CSMD3: variants seen among roughly 807,000 people sequenced by gnomAD.
The protein encoded by CSMD3 is CUB and Sushi multiple domains 3.
CSMD3 carries 177 observed loss-of-function variants against 435.2 expected under a neutral mutation model. The observed-to-expected ratio is 0.41, with a 90% CI of 0.36 to 0.46. The LOEUF is 0.46. Among genes scored for constraint, CSMD3 ranks in the 20% least tolerant of loss-of-function variants. The pLI is 0.34. For missense variants in CSMD3, 4,265 were observed against 4,504.6 expected (o/e 0.95, Z 1.52); for synonymous variants, 1,656 against 1,520.5 (o/e 1.09, Z -2.07).
At chr8:113,345,689 T>C (rs2094146767) in intron 1 of CSMD3, among the ~76,000 whole-genome samples, 1 of 152,102 alleles carries the variant, frequency 6.6e-6, no homozygotes, top group Admixed American at 6.6e-5. Context: ...TTTACTTCTG[T>C]TTTTTTAAAA....
intron 3 of CSMD3, among the ~76,000 whole-genome samples, chr8:113,201,107 C>G (rs1284825948): frequency 6.6e-6 from 1 of 151,930 alleles, no homozygotes; most frequent in Non-Finnish European, 1.5e-5. Context: ...AACTAGATCT[C>G]ATTGCATAGG....
chr8:113,062,638 AG>A (rs2088665071), intron 5 of CSMD3, among the ~76,000 whole-genome samples: 1 of 151,814 alleles, frequency 6.6e-6, no homozygotes, highest in Admixed American at 6.6e-5. Flanking sequence ...GAAAATGAAA[AG>A]GCTGGTCAAA....
rs189503830 is a variant in CSMD3, at chr8:113,027,429, C to T, written c.918-8250G>A. 9.1e-4 allele frequency among the ~76,000 whole-genome samples: 138 copies of T among 152,190 alleles called. 1 individual carries two copies. The highest frequency in any genetic ancestry group is 4.4e-4 in the Non-Finnish European group (30 of 67,998). ...CTAAATTAATTCACTTATGGAATGACGTTAAATGCATTAATTTTCCACACT... is the reference window on the plus strand; with the variant it reads ...CTAAATTAATTCACTTATGGAATGATGTTAAATGCATTAATTTTCCACACT... On this transcript the variant is annotated intron_variant, in intron 5 of 70. Coordinates refer to ENST00000297405, the MANE Select transcript of CSMD3 (RefSeq NM_198123.2).
At chr8:113,161,776 T>C (rs954022571) in intron 4 of CSMD3, among the ~76,000 whole-genome samples, 8 of 152,202 alleles carry the variant, frequency 5.3e-5, no homozygotes, top group Admixed American at 1.3e-4. Flanking sequence ...TTGTTCAAAA[T>C]ATCTTTGAAA....
chr8:112,451,560 C>CA (rs1816276489), intron 32 of CSMD3, among the ~76,000 whole-genome samples: 1 of 149,226 alleles, frequency 6.7e-6, no homozygotes, highest in Non-Finnish European at 1.5e-5. Flanking sequence ...TTTTTTGAGA[C>CA]AGAGTTTTGC....
chr8:112,885,753 G>A (rs2081571852), intron 10 of CSMD3, among the ~76,000 whole-genome samples: 1 of 151,670 alleles, frequency 6.6e-6, no homozygotes, highest in Non-Finnish European at 1.5e-5. Context: ...ATTATGTCAA[G>A]AAAGAGATTG....
intron 4 of CSMD3, among the ~76,000 whole-genome samples, chr8:113,146,185 C>T: frequency 6.6e-6 from 1 of 151,294 alleles, no homozygotes; most frequent in Admixed American, 6.6e-5. Context: ...AAAAGCAAAA[C>T]AGTGAATGCT....
At chr8:112,970,731 T>C (rs2084621038) in intron 7 of CSMD3, among the ~76,000 whole-genome samples, 1 of 151,510 alleles carries the variant, frequency 6.6e-6, no homozygotes, top group African/African-American at 2.4e-5. Flanking sequence ...TTTTCTTTTT[T>C]TTTTTTTTTA....
chr8:113,368,356 A>G (rs1263060613), intron 1 of CSMD3, among the ~76,000 whole-genome samples: 2 of 152,080 alleles, frequency 1.3e-5, no homozygotes, highest in African/African-American at 2.4e-5. Flanking sequence ...CTTGTCATGG[A>G]TAAGTTTGAA....
intron 1 of CSMD3, among the ~76,000 whole-genome samples, chr8:113,412,541 T>A (rs2094564111): frequency 6.6e-6 from 1 of 152,112 alleles, no homozygotes; most frequent in Non-Finnish European, 1.5e-5. Context: ...AGCTCAAGGG[T>A]AAGCCAATGA....
chr8:112,868,487 CA>C (rs1219581536), intron 10 of CSMD3, among the ~76,000 whole-genome samples: 1 of 151,994 alleles, frequency 6.6e-6, no homozygotes, highest in East Asian at 1.9e-4. Flanking sequence ...CCAGTATCAC[CA>C]AAAACACATG....
chr8:113,301,491 C>T (rs1189462500), intron 2 of CSMD3, among the ~76,000 whole-genome samples: 1 of 151,278 alleles, frequency 6.6e-6, no homozygotes, highest in East Asian at 1.9e-4. Flanking sequence ...AAAACATAAC[C>T]TTAAAATGAA....
intron 7 of CSMD3, among the ~76,000 whole-genome samples, chr8:112,957,672 A>C (rs1167388202): frequency 6.6e-6 from 1 of 152,038 alleles, no homozygotes; most frequent in Non-Finnish European, 1.5e-5. Context: ...GCTGGTCTCA[A>C]ACTCCTGTCA....
chr8:113,424,204 T>C (rs1513530), intron 1 of CSMD3, among the ~76,000 whole-genome samples: 150,187 of 151,806 alleles, frequency 0.99, 74,303 homozygotes, highest in East Asian at 1. Flanking sequence ...TTTGATGACT[T>C]TCCAAACTTT....
chr8:113,349,519 T>C (rs2094175231), intron 1 of CSMD3, among the ~76,000 whole-genome samples: 1 of 152,062 alleles, frequency 6.6e-6, no homozygotes, highest in African/African-American at 2.4e-5. Context: ...CAGTGGCTCA[T>C]ACCTGTAAAC....
intron 5 of CSMD3, among the ~76,000 whole-genome samples, chr8:113,028,229 T>C (rs889590074): frequency 1.3e-5 from 2 of 151,964 alleles, no homozygotes; most frequent in Non-Finnish European, 2.9e-5. Context: ...TTCTAATTGC[T>C]TTTGGGTGTC....
chr8:112,244,278 G>A (rs1586512680), intron 65 of CSMD3, 116 bp downstream of exon 65: 1 of 834,610 alleles, frequency 1.2e-6, no homozygotes, highest in East Asian at 2.6e-5. Flanking sequence ...TAGACTTGGA[G>A]TTAGCCAACA....
Position 112,295,885 on chromosome 8 carries a change from C to A in CSMD3, c.8562G>T (p.Val2854=), listed in dbSNP as rs2130714594. ...AATTGTGATCCTGTTGACATATCCT[C>A]ACTGAAGAACCAATCAATCGAAAAC... ...NPGFRLIGSS[V]RICQQDHNWS... Residue 2854 remains valine (V), a synonymous_variant, in exon 54 of 71, where the codon GTG becomes GTT. Transcript: ENST00000297405. The A allele has an allele frequency of 6.2e-7, 1 of 1,614,000 alleles. No individual in the cohort carries two copies.
At chr8:113,202,313 A>G (rs2092723422) in intron 3 of CSMD3, among the ~76,000 whole-genome samples, 1 of 152,132 alleles carries the variant, frequency 6.6e-6, no homozygotes, top group Admixed American at 6.6e-5. Context: ...GAAAGCAACA[A>G]TGAATTTTAA....
Sources: gnomAD v4.1 joint callset for allele counts (sites outside exome capture counted in the v4.1 genomes callset) on GRCh38, gnomAD v4.1.1 for gene constraint, MANE v1.5 for transcripts, NCBI Gene and HGNC (gene_info 2026-07-23, HGNC 2026-07-21) for gene names.